Variants in FBXL13 observed in about 807,000 individuals in gnomAD.
FBXL13 encodes the protein F-box and leucine-rich repeat protein 13.
A neutral mutation model predicts 83.6 loss-of-function variants in FBXL13; 67 were observed. The observed-to-expected ratio is 0.80, with a 90% CI of 0.66 to 0.98. The LOEUF is 0.98. Ranked by LOEUF, FBXL13 falls within the 50% of genes least tolerant of loss-of-function variation. FBXL13 has a pLI of 0.00. For synonymous variants in FBXL13, 272 were observed against 299.5 expected (o/e 0.91, Z 0.95); for missense variants, 822 against 866.5 (o/e 0.95, Z 0.64).
At chr7:102,859,217 T>C (rs1026749378) in intron 16 of FBXL13, among the ~76,000 whole-genome samples, 1 of 152,142 alleles carries the variant, frequency 6.6e-6, no homozygotes, top group African/African-American at 2.4e-5. Flanking sequence ...GTTAGACAAG[T>C]AACTAGAAGC....
intron 2 of FBXL13, among the ~76,000 whole-genome samples, chr7:103,045,672 A>G (rs561667648): frequency 1.3e-5 from 2 of 152,230 alleles, no homozygotes. Flanking sequence ...ATTATGTCAC[A>G]TTTAGCATAA....
intron 6 of FBXL13, among the ~76,000 whole-genome samples, chr7:103,000,811 T>A (rs1790307025): frequency 6.6e-6 from 1 of 152,256 alleles, no homozygotes; most frequent in Non-Finnish European, 1.5e-5. Flanking sequence ...ATCTTCTTAC[T>A]GAGTTGCTCC....
intron 10 of FBXL13, among the ~76,000 whole-genome samples, chr7:102,922,410 C>T (rs1348096258): frequency 6.6e-6 from 1 of 151,734 alleles, no homozygotes; most frequent in Non-Finnish European, 1.5e-5. Context: ...TAAATTAGTT[C>T]CTAGTTTAAT....
intron 17 of FBXL13, among the ~76,000 whole-genome samples, chr7:102,836,554 CA>C (rs898090605): frequency 5.7e-4 from 87 of 152,266 alleles, no homozygotes; most frequent in African/African-American, 2.0e-3. Context: ...TCTTCCAAGT[CA>C]AAATCTTTTA....
chr7:103,029,011 C>T (rs1372126154), intron 3 of FBXL13, among the ~76,000 whole-genome samples: 1 of 151,810 alleles, frequency 6.6e-6, no homozygotes, highest in Non-Finnish European at 1.5e-5. Flanking sequence ...TCCAATTTAC[C>T]AAAAGAACCA....
intron 11 of FBXL13, among the ~76,000 whole-genome samples, chr7:102,906,666 G>A (rs1813797336): frequency 6.6e-6 from 1 of 152,194 alleles, no homozygotes; most frequent in Non-Finnish European, 1.5e-5. Context: ...AAAATGGCAT[G>A]TCATTCTCTT....
chr7:102,981,611 G>C (rs1023326425), intron 6 of FBXL13, among the ~76,000 whole-genome samples: 1 of 152,142 alleles, frequency 6.6e-6, no homozygotes, highest in Non-Finnish European at 1.5e-5. Context: ...CAGTGCTAGT[G>C]GCTGGAGGCC....
intron 6 of FBXL13, 145 bp from the exon 8 acceptor site, chr7:102,968,262 A>G (rs1826210467): frequency 3.5e-6 from 2 of 566,324 alleles, no homozygotes; most frequent in Admixed American, 3.1e-5. Context: ...CTTTGCAAAT[A>G]GCAAGAGTTT....
intron 6 of FBXL13, among the ~76,000 whole-genome samples, chr7:103,009,410 G>A (rs1404237085): frequency 6.6e-6 from 1 of 152,234 alleles, no homozygotes; most frequent in Admixed American, 6.5e-5. Flanking sequence ...CATGGAGCCA[G>A]GGGAACCACT....
chr7:103,067,697 A>G (rs1798533059), intron 1 of FBXL13, among the ~76,000 whole-genome samples: 1 of 152,206 alleles, frequency 6.6e-6, no homozygotes. Context: ...CTTCAAGATG[A>G]TTTTAACCTC....
intron 19 of FBXL13, among the ~76,000 whole-genome samples, chr7:102,815,182 T>C: frequency 6.6e-6 from 1 of 152,138 alleles, no homozygotes; most frequent in East Asian, 1.9e-4. Flanking sequence ...CAATCCAGCC[T>C]CCTTGGAAAT....
chr7:102,863,189 T>A lies in FBXL13; in HGVS notation c.1636-8329A>T, dbSNP rs140217987. 1.7e-3 allele frequency among the ~76,000 whole-genome samples: 265 copies of A among 152,380 alleles called. 3 individuals carry two copies. The highest frequency in any genetic ancestry group is 7.0e-3 in the Admixed American group (107 of 15,310). On this transcript the variant is annotated intron_variant, in intron 16 of 19. Coordinates refer to ENST00000313221, the Ensembl canonical transcript of FBXL13. Reference sequence around the variant, plus strand: ...TGAATGCTCATGATGGACTTTCCTTTGATTTAAATACAATGGCTCCTTCCT... The same window carrying A: ...TGAATGCTCATGATGGACTTTCCTTAGATTTAAATACAATGGCTCCTTCCT...
chr7:102,997,999 C>G (rs1789989447), intron 6 of FBXL13, among the ~76,000 whole-genome samples: 1 of 152,136 alleles, frequency 6.6e-6, no homozygotes, highest in African/African-American at 2.4e-5. Context: ...CATTGTCTTC[C>G]ATATCACTGT....
chr7:102,885,600 T>A (rs1023282846), intron 11 of FBXL13, among the ~76,000 whole-genome samples: 5 of 152,196 alleles, frequency 3.3e-5, no homozygotes, highest in African/African-American at 4.8e-5. Flanking sequence ...TGTACTTCGA[T>A]GCATAAACAC....
intron 6 of FBXL13, among the ~76,000 whole-genome samples, chr7:102,997,565 C>A (rs888724132): frequency 6.6e-6 from 1 of 152,142 alleles, no homozygotes; most frequent in Admixed American, 6.5e-5. Flanking sequence ...CACTCTCTAT[C>A]CCCCCATACT....
Position 102,944,094 on chromosome 7 carries a change from T to TG in FBXL13, c.725-12162_725-12161insC, listed in dbSNP as rs1446416422. ...AGAAAAAGAAAGGAAAAGAAATCTC[T>TG]TTATTTTCAAAGGGGAAAATTAAGC... On this transcript the variant is annotated intron_variant, in intron 8 of 19. Coordinates refer to ENST00000313221, the Ensembl canonical transcript of FBXL13. The TG allele has an allele frequency of 2.4e-4, 194 of 821,516 alleles. 1 individual carries two copies. The Middle Eastern group carries it at 6.0e-3, about 25-fold the overall frequency. The allele number at this position is 821,516 out of a possible 1,614,324, so 50.9% of individuals were successfully genotyped here.
intron 8 of FBXL13, among the ~76,000 whole-genome samples, chr7:102,951,764 C>T (rs143980503): frequency 1.4e-5 from 2 of 143,274 alleles, no homozygotes; most frequent in African/African-American, 5.3e-5. Flanking sequence ...GTGATCATGC[C>T]AGTGTACTCC....
At chr7:102,899,749 A>G (rs1812728507) in intron 11 of FBXL13, among the ~76,000 whole-genome samples, 1 of 152,212 alleles carries the variant, frequency 6.6e-6, no homozygotes, top group African/African-American at 2.4e-5. Context: ...AAAATCAGTC[A>G]TGTTAATTAA....
At chr7:102,851,610 A>G (rs1235198658) in intron 17 of FBXL13, among the ~76,000 whole-genome samples, 1 of 136,026 alleles carries the variant, frequency 7.4e-6, no homozygotes. Flanking sequence ...TTCCTACTTT[A>G]GCTTCAGGTT....
Sources: allele counts gnomAD v4.1 joint callset (sites outside exome capture counted in the v4.1 genomes callset), GRCh38; gene constraint gnomAD v4.1.1; transcripts MANE v1.5; gene names NCBI Gene and HGNC (gene_info 2026-07-23, HGNC 2026-07-21).